Variants in ZNF804A observed in about 807,000 individuals in gnomAD.
The protein encoded by ZNF804A is zinc finger protein 804A.
A neutral mutation model predicts 16.5 loss-of-function variants in ZNF804A; 2 were observed. That is an observed-to-expected ratio of 0.12 (90% CI 0.05 to 0.38). The LOEUF is 0.38. Ranked by LOEUF, ZNF804A falls within the 10% of genes least tolerant of loss-of-function variation. The pLI is 0.99. For missense variants in ZNF804A, 1,473 were observed against 1,390.7 expected (o/e 1.06, Z -0.94); for synonymous variants, 534 against 489.6 (o/e 1.09, Z -1.20).
At chr2:184,920,475 A>G (rs959064214) in intron 2 of ZNF804A, among the ~76,000 whole-genome samples, 5 of 152,132 alleles carry the variant, frequency 3.3e-5, no homozygotes, top group African/African-American at 1.2e-4. Flanking sequence ...CACCTTCTCA[A>G]TGCGGACCTC....
At chr2:184,801,256 A>G (rs1694721788) in intron 1 of ZNF804A, among the ~76,000 whole-genome samples, 1 of 152,134 alleles carries the variant, frequency 6.6e-6, no homozygotes, top group African/African-American at 2.4e-5. Context: ...CTTGAATATA[A>G]TAAATGCTTA....
At chr2:184,612,830 C>T (rs546650606) in intron 1 of ZNF804A, among the ~76,000 whole-genome samples, 48 of 152,176 alleles carry the variant, frequency 3.2e-4, no homozygotes, top group Non-Finnish European at 4.7e-4. Context: ...TTACTTATTG[C>T]TGTCCTGAAG....
chr2:184,765,043 G>A (rs1420920346), intron 1 of ZNF804A, among the ~76,000 whole-genome samples: 5 of 152,072 alleles, frequency 3.3e-5, no homozygotes, highest in African/African-American at 9.7e-5. Flanking sequence ...ATTCTTACAG[G>A]TACACAAGTA....
chr2:184,713,643 T>A (rs1693169806), intron 1 of ZNF804A, among the ~76,000 whole-genome samples: 2 of 151,952 alleles, frequency 1.3e-5, no homozygotes, highest in Admixed American at 6.6e-5. Context: ...TTGGAGAATA[T>A]TTTAAGACAA....
intron 1 of ZNF804A, among the ~76,000 whole-genome samples, chr2:184,684,095 T>C (rs1249193742): frequency 2.6e-5 from 4 of 152,224 alleles, no homozygotes; most frequent in Non-Finnish European, 5.9e-5. Flanking sequence ...TGTAGAGTGA[T>C]ACTTTTTGAT....
At chr2:184,668,372 A>T (rs1052352125) in intron 1 of ZNF804A, among the ~76,000 whole-genome samples, 1 of 151,950 alleles carries the variant, frequency 6.6e-6, no homozygotes, top group South Asian at 2.1e-4. Context: ...TTGTGTTCAC[A>T]TTTATAATAA....
chr2:184,695,287 C>G (rs1275435671), intron 1 of ZNF804A, among the ~76,000 whole-genome samples: 1 of 151,482 alleles, frequency 6.6e-6, no homozygotes, highest in African/African-American at 2.4e-5. Context: ...CGGTGAAACC[C>G]CGTCTCTACT....
chr2:184,688,118 CAAAACA>C (rs1157268506), intron 1 of ZNF804A, among the ~76,000 whole-genome samples: 1 of 151,448 alleles, frequency 6.6e-6, no homozygotes, highest in African/African-American at 2.4e-5. Context: ...GACACTGTCT[CAAAACA>C]AAAACAAAAA....
At chr2:184,795,638 T>G (rs2105780514) in intron 1 of ZNF804A, among the ~76,000 whole-genome samples, 1 of 152,258 alleles carries the variant, frequency 6.6e-6, no homozygotes, top group Non-Finnish European at 1.5e-5. Flanking sequence ...AAAAAGCTGG[T>G]TCTTTGAAAA....
At chr2:184,764,946 AT>A (rs1694094651) in intron 1 of ZNF804A, among the ~76,000 whole-genome samples, 1 of 152,174 alleles carries the variant, frequency 6.6e-6, no homozygotes, top group African/African-American at 2.4e-5. Flanking sequence ...TAGAAATTTT[AT>A]TTAGAAAACA....
chr2:184,633,905 G>T (rs963594288), intron 1 of ZNF804A, among the ~76,000 whole-genome samples: 2 of 152,092 alleles, frequency 1.3e-5, no homozygotes, highest in Non-Finnish European at 2.9e-5. Flanking sequence ...CTGCAAAAGT[G>T]AGATATTTTA....
chr2:184,937,795 G>C lies in ZNF804A; in HGVS notation c.2399G>C (p.Ser800Thr), dbSNP rs533836865. 6.2e-7 allele frequency: 1 copy of C among 1,614,072 alleles called. No homozygotes were observed. The highest frequency in any genetic ancestry group is 1.3e-5 in the African/African-American group (1 of 75,044). Reference sequence around the variant, plus strand: ...CCAGAAGAATTTTTGAGGCCACCAAGTACTTCAGTTGCTCCCTGCAAGCCT... The same window carrying C: ...CCAGAAGAATTTTTGAGGCCACCAACTACTTCAGTTGCTCCCTGCAAGCCT... ...HLPEEFLRPPSTSVAPCKPKK... is the reference protein window; with the variant it reads ...HLPEEFLRPPTTSVAPCKPKK... The change falls in exon 4 of 4, where the codon AGT becomes ACT. Residue 800 changes from serine (S) to threonine (T), a missense_variant. Ser to Thr is a moderately conservative substitution (Grantham distance 58, BLOSUM62 1). Transcript: ENST00000302277.
Position 184,936,505 on chromosome 2 carries a change from T to C in ZNF804A, c.1109T>C (p.Ile370Thr). The change falls in exon 4 of 4, where the codon ATA (isoleucine) becomes ACA (threonine). Residue 370 changes from isoleucine (I) to threonine (T), a missense_variant. Coordinates refer to ENST00000302277, the MANE Select transcript of ZNF804A (RefSeq NM_194250.2). Reference sequence around the variant, plus strand: ...GTTCTTGACATGTCTAATGATTGCATATCTGTGCAAGCTACCACAGAGGAA... The same window carrying C: ...GTTCTTGACATGTCTAATGATTGCACATCTGTGCAAGCTACCACAGAGGAA... ...STVLDMSNDC[I>T]SVQATTEENV... is the part of the protein sequence containing the mutation. 1 of 1,613,960 alleles carries C rather than the reference T, an allele frequency of 6.2e-7. No homozygotes were observed. The highest frequency in any genetic ancestry group is 8.5e-7 in the Non-Finnish European group (1 of 1,179,940).
At chr2:184,628,348 C>G (rs1691542345) in intron 1 of ZNF804A, among the ~76,000 whole-genome samples, 1 of 151,582 alleles carries the variant, frequency 6.6e-6, no homozygotes, top group Non-Finnish European at 1.5e-5. Context: ...GTGTAAAGAA[C>G]AAAATTTTAA....
chr2:184,617,586 G>A (rs1357426961), intron 1 of ZNF804A, among the ~76,000 whole-genome samples: 2 of 151,556 alleles, frequency 1.3e-5, no homozygotes, highest in South Asian at 4.2e-4. Flanking sequence ...TTTAAAATAT[G>A]GTATAGGTAC....
intron 1 of ZNF804A, among the ~76,000 whole-genome samples, chr2:184,624,549 A>G (rs1386234705): frequency 6.6e-6 from 1 of 152,138 alleles, no homozygotes; most frequent in Non-Finnish European, 1.5e-5. Context: ...TCACTTACAA[A>G]CTGGAGAAGA....
intron 1 of ZNF804A, among the ~76,000 whole-genome samples, chr2:184,645,670 A>AT (rs532513260): frequency 1.6e-4 from 24 of 152,264 alleles, no homozygotes; most frequent in African/African-American, 4.6e-4. Context: ...CATTTTAGGG[A>AT]TTTTTTATTT....
At chr2:184,864,997 C>T (rs1392926484) in intron 1 of ZNF804A, among the ~76,000 whole-genome samples, 2 of 150,820 alleles carry the variant, frequency 1.3e-5, no homozygotes, top group African/African-American at 2.4e-5. Flanking sequence ...TCTCCTGCCT[C>T]GGCCTCCGAG....
chr2:184,839,878 G>T (rs1009264372), intron 1 of ZNF804A, among the ~76,000 whole-genome samples: 3 of 151,794 alleles, frequency 2.0e-5, no homozygotes, highest in Non-Finnish European at 4.4e-5. Context: ...TTTAAAGGTG[G>T]CCTGACCTGA....
Sources: gnomAD v4.1 joint callset for allele counts (sites outside exome capture counted in the v4.1 genomes callset) on GRCh38, gnomAD v4.1.1 for gene constraint, MANE v1.5 for transcripts, NCBI Gene and HGNC (gene_info 2026-07-23, HGNC 2026-07-21) for gene names.